The following TRIM26 variants were observed in gnomAD, a reference collection of about 807,000 sequenced individuals.
The protein encoded by TRIM26 is tripartite motif containing 26, also known as tripartite motif-containing protein 26.
TRIM26 carries 16 observed loss-of-function variants against 45.5 expected under a neutral mutation model. The observed-to-expected ratio is 0.35, with a 90% CI of 0.24 to 0.53. The LOEUF (loss-of-function observed/expected upper bound fraction) is 0.53. Ranked by LOEUF, TRIM26 falls within the 20% of genes least tolerant of loss-of-function variation. TRIM26 has a pLI of 0.92. For missense variants in TRIM26, 442 were observed against 691.1 expected, an observed-to-expected ratio of 0.64 and a Z score of 4.04; for synonymous variants, 273 against 290.4, an observed-to-expected ratio of 0.94 and a Z score of 0.61.
chr6:30,195,970 G>A (rs1776419897), intron 6 of TRIM26, among the ~76,000 whole-genome samples: 1 of 152,140 alleles, frequency 6.6e-6, no homozygotes, highest in African/African-American at 2.4e-5. Context: ...CCTCCTCTAG[G>A]AGGTGCCCCG....
Position 30,196,935 on chromosome 6 carries a change from G to A in TRIM26, c.535-189C>T, listed in dbSNP as rs923173199. ...GCTTCTCAAAGAAGACTCCAGTAATGAATTAGTTCAGTTCACCCCACCACT... is the reference window on the plus strand; with the variant it reads ...GCTTCTCAAAGAAGACTCCAGTAATAAATTAGTTCAGTTCACCCCACCACT... On this transcript the variant is annotated intron_variant, in intron 5 of 9. Coordinates refer to ENST00000454678, the MANE Select transcript of TRIM26 (RefSeq NM_003449.5). This position sits in a 1 kb window ranked among gnomAD's most constrained non-coding sequence, Gnocchi z 4.9. Among the ~76,000 whole-genome samples the A allele has an allele frequency of 6.6e-6, 1 of 152,154 alleles. No homozygotes were observed. The highest frequency in any genetic ancestry group is 1.5e-5 in the Non-Finnish European group (1 of 68,014).
rs1003920185 is a variant in TRIM26, at chr6:30,207,523, G to A, written c.-375-2758C>T. Among the ~76,000 whole-genome samples the A allele has an allele frequency of 6.6e-5, 10 of 152,116 alleles. No homozygotes were observed. The highest frequency in any genetic ancestry group is 3.3e-4 in the Admixed American group (5 of 15,286). ...GGCCTTTTGATCCTCAAACACACTC[G>A]GTCACGTGTTAAACTGCCAATCTGC... On this transcript the variant is annotated intron_variant, in intron 1 of 9. Coordinates refer to ENST00000454678, the MANE Select transcript of TRIM26 (RefSeq NM_003449.5). This position sits in a 1 kb window ranked among gnomAD's most constrained non-coding sequence, Gnocchi z 4.9.
chr6:30,212,659 A>T (rs1411880832), intron 1 of TRIM26, among the ~76,000 whole-genome samples: 1 of 152,180 alleles, frequency 6.6e-6, no homozygotes, highest in Non-Finnish European at 1.5e-5. Context: ...TTCAGCTAAG[A>T]GTTAAAAACA....
intron 6 of TRIM26, among the ~76,000 whole-genome samples, chr6:30,191,797 C>T (rs1354554262): frequency 1.3e-5 from 2 of 152,204 alleles, no homozygotes; most frequent in East Asian, 3.9e-4. Context: ...ACATGCCCCT[C>T]AAAACATGTA....
In TRIM26 at chr6:30,196,544, G is replaced by T; in HGVS notation, c.737C>A (p.Ala246Glu). The change falls in exon 6 of 10, where the codon GCG (alanine) becomes GAG (glutamate). Residue 246 changes from alanine to glutamate, a missense_variant. Ala to Glu is a moderately radical substitution (Grantham distance 107). Transcript: ENST00000454678. This position sits in a 1 kb window ranked among gnomAD's most constrained non-coding sequence, Gnocchi z 4.9. ...CATGAGCTCTGCAGCTGGCTGCTGC[G>T]CCTTGCCCTCCAGTTCGGAGATGAC... ...ALVISELEGK[A>E]QQPAAELMQD... 6.2e-7 allele frequency: 1 copy of T among 1,609,996 alleles called. No homozygotes were observed.
Position 30,199,188 on chromosome 6 carries a change from A to G in TRIM26, c.-85T>C. Reference sequence around the variant, plus strand: ...GCGACATAGAGTCAGGAGCAAGCACAGTAAAGGGGCAAAGGTGGCAGCCTG... The same window carrying G: ...GCGACATAGAGTCAGGAGCAAGCACGGTAAAGGGGCAAAGGTGGCAGCCTG... On this transcript the variant is annotated 5_prime_UTR_variant, in exon 4 of 10. Coordinates refer to ENST00000454678, the MANE Select transcript of TRIM26 (RefSeq NM_003449.5). The G allele has an allele frequency of 4.3e-6, 6 of 1,405,202 alleles. No homozygotes were observed. Among genetic ancestry groups the G allele is most frequent in the Admixed American group, 2.6e-5 (1 of 38,758 alleles). 87.0% of individuals were successfully genotyped at this position (1,405,202 alleles called of 1,614,324 possible).
chr6:30,201,235 G>A (rs1334071927), intron 2 of TRIM26, 97 bp from the exon 3 acceptor site: 4 of 152,134 alleles, frequency 2.6e-5, no homozygotes, highest in African/African-American at 4.8e-5. Flanking sequence ...ACATTAATGG[G>A]ACAGAAATAA....
At chr6:30,188,385 A>G in intron 9 of TRIM26, 1 of 401,008 alleles carries the variant, frequency 2.5e-6, no homozygotes, top group Non-Finnish European at 4.7e-6. Flanking sequence ...GGTTCAAGAA[A>G]CCCTGAACAG....
Position 30,196,139 on chromosome 6 carries a change from C to G in TRIM26, c.765+377G>C, listed in dbSNP as rs1042371553. 2.0e-5 allele frequency among the ~76,000 whole-genome samples: 3 copies of G among 152,200 alleles called. No individual in the cohort carries two copies. The highest frequency in any genetic ancestry group is 7.2e-5 in the African/African-American group (3 of 41,440). ...CTGGTCAGCCCTCCCTCAGCCACCC[C>G]CAACCACAACACCATAAAAAGCTTC... On this transcript the variant is annotated intron_variant, in intron 6 of 9. Coordinates refer to ENST00000454678, the MANE Select transcript of TRIM26 (RefSeq NM_003449.5). The surrounding 1 kb of genome is among the most constrained non-coding windows in gnomAD (Gnocchi z 4.9).
At position 30,189,322 on chromosome 6, in the gene TRIM26, G is replaced by A. The variant is rs762002295; in HGVS notation, c.904+96C>T. 1.9e-6 allele frequency: 3 copies of A among 1,567,344 alleles called. No individual in the cohort carries two copies. The highest frequency in any genetic ancestry group is 2.6e-6 in the Non-Finnish European group (3 of 1,138,806). On this transcript the variant is annotated intron_variant, in intron 8 of 9. Transcript: ENST00000454678. The surrounding 1 kb of genome is among the most constrained non-coding windows in gnomAD (Gnocchi z 5.0). ...TAAGACAAGAGGCCCTCAGAAGAGT[G>A]AGGATCGACAAGGTGATGGAAAGGA...
Position 30,209,984 on chromosome 6 carries a change from A to T in TRIM26, c.-376+3321T>A, listed in dbSNP as rs568340891. Among the ~76,000 whole-genome samples the T allele has an allele frequency of 3.2e-4, 48 of 152,232 alleles. No homozygotes were observed. The East Asian group carries it at 8.9e-3, about 28-fold the overall frequency. ...CACTTTGGGAGGCCGAGGTGGGCAG[A>T]TCATGAGGTCAAGAGATCGAGACCA... On this transcript the variant is annotated intron_variant, in intron 1 of 9. Transcript: ENST00000454678. The surrounding 1 kb of genome is among the most constrained non-coding windows in gnomAD (Gnocchi z 4.8).
At chr6:30,213,061 G>A (rs1360325970) in intron 1 of TRIM26, among the ~76,000 whole-genome samples, 1 of 152,210 alleles carries the variant, frequency 6.6e-6, no homozygotes, top group Non-Finnish European at 1.5e-5. Flanking sequence ...AGAATGGATG[G>A]GAGTCTGAGT....
At position 30,186,478 on chromosome 6, in the gene TRIM26, G is replaced by C; in HGVS notation, c.1018C>G (p.Leu340Val). Reference protein sequence around the residue: ...EDWKCVTYTSLYKSAYLHPQQ... With the variant: ...EDWKCVTYTSVYKSAYLHPQQ... ...GGGTGCAGGTAGGCACTCTTGTACA[G>C]GCTGGTGTAGGTCACGCACTTCCAG... is the stretch of plus-strand genomic sequence containing the variant. Residue 340 changes from leucine (L) to valine (V), a missense_variant, in exon 10 of 10, where the codon CTG becomes GTG. Physicochemically the swap from Leu to Val is conservative, Grantham distance 32 (BLOSUM62 1). Coordinates refer to ENST00000454678, the MANE Select transcript of TRIM26 (RefSeq NM_003449.5). This position sits in a 1 kb window ranked among gnomAD's most constrained non-coding sequence, Gnocchi z 7.4. 1.3e-6 allele frequency: 2 copies of C among 1,567,248 alleles called. No homozygotes were observed. Among genetic ancestry groups the C allele is most frequent in the Non-Finnish European group, 1.7e-6 (2 of 1,156,646 alleles).
chr6:30,188,372 G>A (rs745770700), intron 9 of TRIM26: 1 of 422,322 alleles, frequency 2.4e-6, no homozygotes, highest in Non-Finnish European at 4.4e-6. Flanking sequence ...TGCTCTGTAA[G>A]ATGGTTCAAG....
rs141504131 is a variant in TRIM26 at position 30,198,823 on chromosome 6, C to T, written c.281G>A (p.Arg94Gln). ...DKGRQPGEVT[R>Q]EQQDAKLCER... is the part of the protein sequence containing the mutation. ...GCACAACTTTGCATCCTGCTGCTCC[C>T]GGGTCACCTCTCCCGGCTGCCTGCC... The change falls in exon 4 of 10, where the codon CGG (arginine) becomes CAG (glutamine). Residue 94 changes from arginine to glutamine, a missense_variant. Coordinates refer to ENST00000454678, the MANE Select transcript of TRIM26 (RefSeq NM_003449.5). This position sits in a 1 kb window ranked among gnomAD's most constrained non-coding sequence, Gnocchi z 6.3. 5.3e-4 allele frequency: 852 copies of T among 1,612,294 alleles called. 5 individuals are homozygous for T. The highest frequency in any genetic ancestry group is 1.0e-4 in the Non-Finnish European group (122 of 1,180,016).
chr6:30,191,475 G>A (rs1775832301), intron 6 of TRIM26, among the ~76,000 whole-genome samples: 1 of 151,730 alleles, frequency 6.6e-6, no homozygotes, highest in Non-Finnish European at 1.5e-5. Context: ...CTAGCAGGGG[G>A]AAGCAGACAA....
Position 30,198,905 on chromosome 6 carries a change from G to C in TRIM26, c.199C>G (p.Pro67Ala). 6.2e-7 allele frequency: 1 copy of C among 1,612,940 alleles called. No individual in the cohort carries two copies. Among genetic ancestry groups the C allele is most frequent in the Non-Finnish European group, 8.5e-7 (1 of 1,179,950 alleles). Residue 67 changes from proline (P) to alanine (A), a missense_variant, in exon 4 of 10, where the codon CCC becomes GCC. Physicochemically the swap from Pro to Ala is conservative, Grantham distance 27 (BLOSUM62 -1). Coordinates refer to ENST00000454678, the MANE Select transcript of TRIM26 (RefSeq NM_003449.5). This position sits in a 1 kb window ranked among gnomAD's most constrained non-coding sequence, Gnocchi z 6.3. ...KKPFKKENIRPVWQLASLVEN... is the reference protein window; with the variant it reads ...KKPFKKENIRAVWQLASLVEN... ...ACCAGGCTGGCCAGTTGCCACACGGGTCGGATGTTCTCCTTCTTAAAAGGC... is the reference window on the plus strand; with the variant it reads ...ACCAGGCTGGCCAGTTGCCACACGGCTCGGATGTTCTCCTTCTTAAAAGGC...
Position 30,186,567 on chromosome 6 carries a change from A to C in TRIM26, c.938-9T>G, listed in dbSNP as rs1775214275. On this transcript the variant is annotated splice_polypyrimidine_tract_variant and intron_variant, in intron 9 of 9. Transcript: ENST00000454678. This position sits in a 1 kb window ranked among gnomAD's most constrained non-coding sequence, Gnocchi z 7.4. ...GTCCAGGGTGACGCTCACTGTGGGG[A>C]CAAGGGAAAAAAAAAAAAACAGCAT... The C allele has an allele frequency of 6.7e-7, 1 of 1,486,644 alleles. No homozygotes were observed. The highest frequency in any genetic ancestry group is 2.3e-5 in the East Asian group (1 of 42,662). 92.1% of individuals were successfully genotyped at this position (1,486,644 alleles called of 1,614,324 possible). A position where few individuals can be genotyped will look rare whatever the true frequency, so the allele number is the denominator to read the frequency against.
Position 30,185,817 on chromosome 6 carries a change from C to T in TRIM26, c.*59G>A. ...GGCATCCCGTCCCCCCATTGAGAGTCCTGGAATTCCAAAGAAGTGAAGCAT... is the reference window on the plus strand; with the variant it reads ...GGCATCCCGTCCCCCCATTGAGAGTTCTGGAATTCCAAAGAAGTGAAGCAT... On this transcript the variant is annotated 3_prime_UTR_variant, in exon 10 of 10. Coordinates refer to ENST00000454678, the MANE Select transcript of TRIM26 (RefSeq NM_003449.5). The surrounding 1 kb of genome is among the most constrained non-coding windows in gnomAD (Gnocchi z 5.7). The T allele has an allele frequency of 6.5e-7, 1 of 1,549,270 alleles. No individual in the cohort carries two copies. Among genetic ancestry groups the T allele is most frequent in the Non-Finnish European group, 8.7e-7 (1 of 1,145,078 alleles).
Sources: gnomAD v4.1 joint callset for allele counts (sites outside exome capture counted in the v4.1 genomes callset) on GRCh38, gnomAD v4.1.1 for gene constraint, Gnocchi (gnomAD v3.1) non-coding constraint, MANE v1.5 for transcripts, NCBI Gene and HGNC (gene_info 2026-07-23, HGNC 2026-07-21) for gene names.